The following CYSLTR2 variants were observed in gnomAD, a reference collection of about 807,000 sequenced individuals.
The protein encoded by CYSLTR2 is cysteinyl leukotriene receptor 2, also known as G-protein coupled receptor GPCR21.
For synonymous variants in CYSLTR2, 179 were observed against 160.8 expected, an observed-to-expected ratio of 1.11 and a Z score of -0.86; for missense variants, 398 against 411.9, an observed-to-expected ratio of 0.97 and a Z score of 0.29.
chr13:48,682,324 T>C lies in CYSLTR2; in HGVS notation c.-265-8888T>C, dbSNP rs559637711. On this transcript the variant is annotated intron_variant, in intron 1 of 4. Coordinates refer to ENST00000682523, the MANE Select transcript of CYSLTR2 (RefSeq NM_001308476.3). ...ATAGAAAGTATAATTCACTGTAAGA[T>C]TGAGTTAAGACACTCTCTCCAAGCT... Among the ~76,000 whole-genome samples, 28 of 152,288 alleles carry C rather than the reference T, an allele frequency of 1.8e-4. No individual in the cohort carries two copies. The South Asian group carries it at 5.4e-3, about 29-fold the overall frequency.
chr13:48,666,170 T>C (rs1392817324), intron 1 of CYSLTR2, among the ~76,000 whole-genome samples: 1 of 152,178 alleles, frequency 6.6e-6, no homozygotes, highest in Non-Finnish European at 1.5e-5. Context: ...CTTTGCTTGG[T>C]ATAATATTCT....
chr13:48,657,678 AT>A (rs1353430433), intron 1 of CYSLTR2, among the ~76,000 whole-genome samples: 1 of 151,608 alleles, frequency 6.6e-6, no homozygotes, highest in Non-Finnish European at 1.5e-5. Context: ...AAAAAAGATA[AT>A]TTCCCACGTA....
intron 4 of CYSLTR2, among the ~76,000 whole-genome samples, chr13:48,706,159 C>T (rs1237752352): frequency 6.6e-6 from 1 of 151,772 alleles, no homozygotes; most frequent in Admixed American, 6.6e-5. Flanking sequence ...ACTGGGCCCG[C>T]TAATTTTTGT....
intron 1 of CYSLTR2, among the ~76,000 whole-genome samples, chr13:48,655,238 C>A (rs1952972433): frequency 6.6e-6 from 1 of 152,112 alleles, no homozygotes; most frequent in Non-Finnish European, 1.5e-5. Context: ...TAGAATCTAC[C>A]AAGGCAGCCA....
chr13:48,707,832 T>A lies in CYSLTR2; in HGVS notation c.1015T>A (p.Trp339Arg). 2.6e-6 allele frequency: 4 copies of A among 1,529,606 alleles called. No homozygotes were observed. The South Asian group carries it at 5.2e-5, about 20-fold the overall frequency. 94.8% of individuals were successfully genotyped at this position (1,529,606 alleles called of 1,614,324 possible). A position where few individuals can be genotyped will look rare whatever the true frequency, so the allele number is the denominator to read the frequency against. Residue 339 changes from tryptophan (W) to arginine (R), a missense_variant, in exon 5 of 5, where the codon TGG (tryptophan) becomes AGG (arginine). Transcript: ENST00000682523. ...KTKCVFPVSV[W>R]LRKETRV ...AAAGTGTGTTTTCCCTGTTAGTGTG[T>A]GGTTGAGAAAGGAAACAAGAGTATA...
chr13:48,677,775 C>T (rs1021367181), intron 1 of CYSLTR2, among the ~76,000 whole-genome samples: 1 of 152,096 alleles, frequency 6.6e-6, no homozygotes, highest in African/African-American at 2.4e-5. Context: ...GTCTCAACTG[C>T]TGCTTTTCTT....
intron 1 of CYSLTR2, among the ~76,000 whole-genome samples, chr13:48,665,747 G>A (rs995689507): frequency 2.6e-5 from 4 of 151,934 alleles, no homozygotes; most frequent in African/African-American, 9.7e-5. Context: ...TAGGTCTTGT[G>A]TTTTTAAAAT....
intron 1 of CYSLTR2, among the ~76,000 whole-genome samples, chr13:48,663,198 C>G (rs1321574456): frequency 1.3e-5 from 2 of 152,004 alleles, no homozygotes; most frequent in East Asian, 3.9e-4. Flanking sequence ...TTCCATTGGC[C>G]TATGTGTCTG....
At chr13:48,686,043 T>G (rs1452579866) in intron 1 of CYSLTR2, among the ~76,000 whole-genome samples, 2 of 152,188 alleles carry the variant, frequency 1.3e-5, no homozygotes, top group Admixed American at 1.3e-4. Context: ...CATGGATTCG[T>G]GTTTAGTGGA....
In CYSLTR2 at chr13:48,657,056, A is replaced by G. The variant is rs1485417003; in HGVS notation, c.-266+3039A>G. ...CTCTGACATTGGAGTCATTGCATAG[A>G]ACCTAGCACATAAACTCCATTGAGA... On this transcript the variant is annotated intron_variant, in intron 1 of 4. Transcript: ENST00000682523. 4.1e-4 allele frequency among the ~76,000 whole-genome samples: 63 copies of G among 152,342 alleles called. 1 individual carries two copies. The highest frequency in any genetic ancestry group is 5.9e-5 in the Non-Finnish European group (4 of 68,024).
intron 1 of CYSLTR2, among the ~76,000 whole-genome samples, chr13:48,684,768 TAAG>T (rs891454100): frequency 5.9e-5 from 9 of 152,250 alleles, no homozygotes; most frequent in African/African-American, 1.9e-4. Flanking sequence ...GATGTAATGT[TAAG>T]AAGAAGTCAT....
chr13:48,694,066 A>G (rs1331119332), intron 3 of CYSLTR2, among the ~76,000 whole-genome samples: 1 of 152,220 alleles, frequency 6.6e-6, no homozygotes, highest in Non-Finnish European at 1.5e-5. Flanking sequence ...AGTGGAGCCC[A>G]TCAGAGATGC....
intron 1 of CYSLTR2, among the ~76,000 whole-genome samples, chr13:48,658,509 G>A (rs928022124): frequency 3.9e-5 from 6 of 152,194 alleles, no homozygotes; most frequent in Non-Finnish European, 8.8e-5. Flanking sequence ...CAGTAGACAC[G>A]TGCTTGCCTT....
At position 48,710,556 on chromosome 13, in the gene CYSLTR2, G is replaced by C. The variant is rs2139025056; in HGVS notation, c.*2698G>C. ...TCTAACAGAAAATGTGAAAGTTCTT[G>C]ACTTAATAAGGAAAGAAAAAAAACA... On this transcript the variant is annotated 3_prime_UTR_variant, in exon 5 of 5. Coordinates refer to ENST00000682523, the MANE Select transcript of CYSLTR2 (RefSeq NM_001308476.3). The C allele has an allele frequency of 6.6e-6, 1 of 152,188 alleles. No homozygotes were observed. Among genetic ancestry groups the C allele is most frequent in the South Asian group, 2.1e-4 (1 of 4,824 alleles). 9.4% of individuals were successfully genotyped at this position (152,188 alleles called of 1,614,324 possible).
intron 3 of CYSLTR2, among the ~76,000 whole-genome samples, chr13:48,696,103 T>C (rs1455327869): frequency 3.3e-5 from 5 of 152,232 alleles, no homozygotes; most frequent in Non-Finnish European, 7.3e-5. Context: ...AAGTATGTAG[T>C]AATACCTCAC....
intron 4 of CYSLTR2, 33 bp downstream of exon 4, chr13:48,696,659 C>G (rs1217558067): frequency 6.6e-6 from 1 of 152,230 alleles, no homozygotes; most frequent in African/African-American, 2.4e-5. Context: ...GCTTGTCAGA[C>G]AGTGGGTGCA....
intron 1 of CYSLTR2, among the ~76,000 whole-genome samples, chr13:48,655,500 G>C (rs1024299625): frequency 1.3e-5 from 2 of 152,164 alleles, no homozygotes; most frequent in Non-Finnish European, 2.9e-5. Context: ...ACTGAAAACA[G>C]AGCCACAGCG....
At chr13:48,670,208 T>G (rs1242100000) in intron 1 of CYSLTR2, among the ~76,000 whole-genome samples, 1 of 152,212 alleles carries the variant, frequency 6.6e-6, no homozygotes, top group South Asian at 2.1e-4. Flanking sequence ...TTGCAAAAAT[T>G]TTCTCCCATT....
intron 1 of CYSLTR2, among the ~76,000 whole-genome samples, chr13:48,672,819 T>C (rs1953477485): frequency 6.6e-6 from 1 of 151,930 alleles, no homozygotes; most frequent in Non-Finnish European, 1.5e-5. Flanking sequence ...GGTTTCACTG[T>C]GTTAGCCAGG....
Sources: allele counts gnomAD v4.1 joint callset (sites outside exome capture counted in the v4.1 genomes callset), GRCh38; gene constraint gnomAD v4.1.1; transcripts MANE v1.5; gene names NCBI Gene and HGNC (gene_info 2026-07-23, HGNC 2026-07-21).